Variants in IQGAP2 observed in about 807,000 individuals in gnomAD.
IQGAP2 encodes ras GTPase-activating-like protein IQGAP2.
Under a neutral mutation model 201.3 loss-of-function variants are expected in IQGAP2, and 173 were observed. The ratio of observed to expected loss-of-function variants is 0.86; its 90% CI spans 0.76 to 0.98. The LOEUF (loss-of-function observed/expected upper bound fraction) is 0.98. IQGAP2 is among the 50% of genes least tolerant of loss of function. The pLI is 0.00. For synonymous variants in IQGAP2, 675 were observed against 673.9 expected, an observed-to-expected ratio of 1.00 and a Z score of -0.03; for missense variants, 1,687 against 1,864.8, an observed-to-expected ratio of 0.90 and a Z score of 1.76.
intron 1 of IQGAP2, among the ~76,000 whole-genome samples, chr5:76,433,068 C>T (rs1167865408): frequency 2.0e-5 from 3 of 152,130 alleles, no homozygotes; most frequent in Non-Finnish European, 4.4e-5. Flanking sequence ...AAGATGTGAA[C>T]AAGGTAAGGG....
chr5:76,611,222 G>T (rs1383288595), intron 13 of IQGAP2, 39 bp downstream of exon 13: 1 of 1,527,600 alleles, frequency 6.5e-7, no homozygotes, highest in East Asian at 2.3e-5. Context: ...AATTTTACAG[G>T]CTGGGTGGCA....
intron 2 of IQGAP2, among the ~76,000 whole-genome samples, chr5:76,504,057 C>G (rs1409318451): frequency 1.3e-5 from 2 of 152,130 alleles, no homozygotes; most frequent in Non-Finnish European, 2.9e-5. Context: ...CTGCTGAATC[C>G]CTGAATGATC....
At position 76,532,240 on chromosome 5, in the gene IQGAP2, C is replaced by T. The variant is rs188690324; in HGVS notation, c.147-30156C>T. ...AACCATATGAGACCAGGCATGCTGG[C>T]GCATGTCTATAGTCCCAGATACTCA... On this transcript the variant is annotated intron_variant, in intron 2 of 35. Transcript: ENST00000274364. Among the ~76,000 whole-genome samples, 491 of 152,210 alleles carry T rather than the reference C, an allele frequency of 3.2e-3. 3 individuals are homozygous for T. The highest frequency in any genetic ancestry group is 5.6e-3 in the Non-Finnish European group (379 of 68,034).
intron 22 of IQGAP2, among the ~76,000 whole-genome samples, 191 bp from the exon 23 acceptor site, chr5:76,668,490 T>C (rs950152661): frequency 6.6e-6 from 1 of 151,884 alleles, no homozygotes; most frequent in Non-Finnish European, 1.5e-5. Flanking sequence ...AGTAGAAAGT[T>C]ACACTATATA....
chr5:76,511,666 TTTTTGTTTTG>T (rs1489383705), intron 2 of IQGAP2, among the ~76,000 whole-genome samples: 1 of 147,494 alleles, frequency 6.8e-6, no homozygotes, highest in Non-Finnish European at 1.5e-5. Context: ...AATGAGTTTT[TTTTTGTTTTG>T]TTTTGTTTTG....
At chr5:76,664,932 A>G (rs1485970753) in intron 21 of IQGAP2, 94 bp from the exon 22 acceptor site, 11 of 727,054 alleles carry the variant, frequency 1.5e-5, no homozygotes, top group Non-Finnish European at 2.3e-5. Flanking sequence ...GTATGCCTGT[A>G]TTTCCAATTA....
chr5:76,491,911 A>G (rs1756572780), intron 2 of IQGAP2, among the ~76,000 whole-genome samples: 1 of 151,446 alleles, frequency 6.6e-6, no homozygotes, highest in Admixed American at 6.6e-5. Context: ...TTTGTTCTGC[A>G]CCTCCCATGG....
At chr5:76,656,488 G>T (rs973412743) in intron 20 of IQGAP2, among the ~76,000 whole-genome samples, 71 of 151,088 alleles carry the variant, frequency 4.7e-4, no homozygotes, top group African/African-American at 1.6e-3. Context: ...GCCGTTTTTG[G>T]TTTTTTTTTT....
Position 76,403,865 on chromosome 5 carries a change from C to T in IQGAP2, c.46+274C>T, listed in dbSNP as rs1006748260. 6.6e-6 allele frequency among the ~76,000 whole-genome samples: 1 copy of T among 152,168 alleles called. No homozygotes were observed. The highest frequency in any genetic ancestry group is 1.5e-5 in the Non-Finnish European group (1 of 68,026). On this transcript the variant is annotated intron_variant, in intron 1 of 35. Coordinates refer to ENST00000274364, the MANE Select transcript of IQGAP2 (RefSeq NM_006633.5). The surrounding 1 kb of genome is among the most constrained non-coding windows in gnomAD (Gnocchi z 4.8). ...GTGCGCGGGCAGTGCGGGGATTGCG[C>T]TCTGGGACAGACCAGGTTGGGATTT...
At chr5:76,646,679 T>C (rs1752061969) in intron 17 of IQGAP2, among the ~76,000 whole-genome samples, 1 of 152,208 alleles carries the variant, frequency 6.6e-6, no homozygotes, top group South Asian at 2.1e-4. Context: ...TCTAGACTCA[T>C]TCCTGTGTTT....
intron 17 of IQGAP2, among the ~76,000 whole-genome samples, chr5:76,642,649 C>T (rs1472170252): frequency 6.6e-6 from 1 of 152,158 alleles, no homozygotes; most frequent in Admixed American, 6.5e-5. Context: ...GGTTCACCTT[C>T]AAGTAGGAAA....
chr5:76,699,658 TCTCA>T (rs1208671478), intron 33 of IQGAP2, among the ~76,000 whole-genome samples: 87 of 74,264 alleles, frequency 1.2e-3, no homozygotes, highest in Admixed American at 2.1e-3. Context: ...TCTCTCTCTC[TCTCA>T]CTCTCGTGCT....
chr5:76,432,635 A>G (rs2150093280), intron 1 of IQGAP2, among the ~76,000 whole-genome samples: 1 of 152,390 alleles, frequency 6.6e-6, no homozygotes, highest in Non-Finnish European at 1.5e-5. Context: ...GTGTCAGACA[A>G]GAAGTAGTAA....
intron 2 of IQGAP2, among the ~76,000 whole-genome samples, chr5:76,483,882 C>T (rs879566896): frequency 2.6e-5 from 4 of 152,140 alleles, no homozygotes; most frequent in Non-Finnish European, 4.4e-5. Context: ...CTCAGAGGCC[C>T]CTGGGAAGAG....
intron 15 of IQGAP2, among the ~76,000 whole-genome samples, chr5:76,635,794 T>G (rs1366670336): frequency 1.3e-5 from 2 of 151,218 alleles, no homozygotes; most frequent in East Asian, 3.9e-4. Context: ...ACACCACTGT[T>G]CTCCAGCCTG....
At chr5:76,606,450 A>AT in intron 12 of IQGAP2, 147 bp downstream of exon 12, 1 of 530,338 alleles carries the variant, frequency 1.9e-6, no homozygotes, top group Non-Finnish European at 3.2e-6. Flanking sequence ...ATTTATAGGT[A>AT]GATTTTATGC....
intron 2 of IQGAP2, among the ~76,000 whole-genome samples, chr5:76,551,769 A>C (rs1743553442): frequency 6.6e-6 from 1 of 151,788 alleles, no homozygotes; most frequent in Non-Finnish European, 1.5e-5. Flanking sequence ...CAGGAGAATC[A>C]GGCAGGGAGG....
intron 24 of IQGAP2, 115 bp downstream of exon 24, chr5:76,672,098 C>T: frequency 1.3e-6 from 1 of 747,826 alleles, no homozygotes; most frequent in South Asian, 1.9e-5. Context: ...AGTTATCAAT[C>T]CAAAATGTTA....
intron 17 of IQGAP2, among the ~76,000 whole-genome samples, chr5:76,644,904 G>T (rs1356272204): frequency 6.6e-6 from 1 of 152,140 alleles, no homozygotes; most frequent in African/African-American, 2.4e-5. Context: ...GAATGTGCAG[G>T]TTTGTTACAT....
Sources: gnomAD v4.1 joint callset for allele counts (sites outside exome capture counted in the v4.1 genomes callset) on GRCh38, gnomAD v4.1.1 for gene constraint, Gnocchi (gnomAD v3.1) non-coding constraint, MANE v1.5 for transcripts, NCBI Gene and HGNC (gene_info 2026-07-23, HGNC 2026-07-21) for gene names.